SH3PXD2B: variants seen among roughly 807,000 people sequenced by gnomAD.
SH3PXD2B encodes the protein SH3 and PX domains 2B, also known as SH3 and PX domain-containing protein 2B.
A neutral mutation model predicts 73.1 loss-of-function variants in SH3PXD2B; 37 were observed. The ratio of observed to expected loss-of-function variants is 0.51; its 90% confidence interval spans 0.39 to 0.67. SH3PXD2B has a LOEUF of 0.67. Among genes scored for constraint, SH3PXD2B ranks in the 30% least tolerant of loss-of-function variants. The probability of loss-of-function intolerance (pLI) is 0.00; values close to 1 mark genes in which losing one functional copy is unlikely to be tolerated. For synonymous variants in SH3PXD2B, 457 were observed against 480.5 expected (o/e 0.95, Z 0.64); for missense variants, 1,053 against 1,197.8 (o/e 0.88, Z 1.78).
intron 6 of SH3PXD2B, 133 bp downstream of exon 6, chr5:172,373,657 C>G: frequency 9.9e-7 from 1 of 1,011,768 alleles, no homozygotes; most frequent in Non-Finnish European, 1.5e-6. Flanking sequence ...TCCCTTCCCT[C>G]CCTCCTGCCA....
chr5:172,441,477 G>T (rs1759549533), intron 1 of SH3PXD2B, among the ~76,000 whole-genome samples: 1 of 152,190 alleles, frequency 6.6e-6, no homozygotes, highest in African/African-American at 2.4e-5. Context: ...GCAGTTAATG[G>T]CTTTGTTCAA....
chr5:172,346,080 G>A (rs1451730195), intron 12 of SH3PXD2B, 56 bp downstream of exon 12: 2 of 1,612,276 alleles, frequency 1.2e-6, no homozygotes, highest in African/African-American at 1.3e-5. Flanking sequence ...AGAAGTAGGA[G>A]GTGATGCCTG....
chr5:172,400,432 T>C (rs1458216165), intron 3 of SH3PXD2B, among the ~76,000 whole-genome samples: 2 of 152,204 alleles, frequency 1.3e-5, no homozygotes, highest in Non-Finnish European at 2.9e-5. Flanking sequence ...CATTCTACTT[T>C]GCATAGGAGG....
At chr5:172,423,394 G>A (rs1424808888) in intron 1 of SH3PXD2B, among the ~76,000 whole-genome samples, 5 of 152,198 alleles carry the variant, frequency 3.3e-5, no homozygotes, top group Non-Finnish European at 5.9e-5. Flanking sequence ...AAGGCGCTCA[G>A]TGCTGTTAGA....
chr5:172,443,913 T>C (rs1335227023), intron 1 of SH3PXD2B, among the ~76,000 whole-genome samples: 1 of 152,254 alleles, frequency 6.6e-6, no homozygotes, highest in Non-Finnish European at 1.5e-5. Context: ...CAGTCAGTGA[T>C]AGGCAGGGGA....
chr5:172,349,823 A>T (rs964632340), intron 10 of SH3PXD2B, among the ~76,000 whole-genome samples: 1 of 152,168 alleles, frequency 6.6e-6, no homozygotes, highest in African/African-American at 2.4e-5. Context: ...AAAGAATGCA[A>T]CCTGGGATGG....
rs781545771 is a variant in SH3PXD2B, at chr5:172,373,821, C to T, written c.402-6G>A. The T allele has an allele frequency of 5.0e-6, 8 of 1,613,826 alleles. No individual in the cohort carries two copies. The highest frequency in any genetic ancestry group is 6.8e-6 in the Non-Finnish European group (8 of 1,179,948). ...TCTTTTTCCCAATGTGCTCCCTGTA[C>T]AGGAAAGAAAGGGGGTGGGAAGAGT... On this transcript the variant is annotated splice_region_variant and splice_polypyrimidine_tract_variant and intron_variant, in intron 5 of 12. Transcript: ENST00000311601.
chr5:172,364,278 C>G (rs910237791), intron 6 of SH3PXD2B, among the ~76,000 whole-genome samples: 1 of 152,046 alleles, frequency 6.6e-6, no homozygotes, highest in African/African-American at 2.4e-5. Flanking sequence ...CAGGAGGGCC[C>G]TGGTATTCTA....
At position 172,454,257 on chromosome 5, in the gene SH3PXD2B, T is replaced by C. The variant is rs920704453; in HGVS notation, c.75+21A>G. On this transcript the variant is annotated intron_variant, in intron 1 of 12. Transcript: ENST00000311601. ...GACGGGGCGCGGGCTCAAGGGGGCGTGGGGGCCGCGCCGCACTCACATAAT... is the reference window on the plus strand; with the variant it reads ...GACGGGGCGCGGGCTCAAGGGGGCGCGGGGGCCGCGCCGCACTCACATAAT... 14 of 1,580,500 alleles carry C rather than the reference T, an allele frequency of 8.9e-6. No individual in the cohort carries two copies. The South Asian group carries it at 1.2e-4, about 14-fold the overall frequency.
At chr5:172,404,314 A>AT (rs1421839026) in intron 3 of SH3PXD2B, among the ~76,000 whole-genome samples, 72 of 150,022 alleles carry the variant, frequency 4.8e-4, no homozygotes, top group South Asian at 2.3e-3. Context: ...ATATATATAT[A>AT]TATTTTTTTT....
intron 2 of SH3PXD2B, among the ~76,000 whole-genome samples, chr5:172,419,364 G>A (rs935828650): frequency 6.6e-6 from 1 of 151,578 alleles, no homozygotes; most frequent in Non-Finnish European, 1.5e-5. Flanking sequence ...ATGACTCTAC[G>A]TCCCCACCTC....
chr5:172,395,129 T>C (rs1436790585), intron 3 of SH3PXD2B, among the ~76,000 whole-genome samples: 1 of 152,118 alleles, frequency 6.6e-6, no homozygotes, highest in Non-Finnish European at 1.5e-5. Flanking sequence ...CCCTCCCCTC[T>C]GCCTGGACAC....
chr5:172,391,149 C>T (rs1758182514), intron 4 of SH3PXD2B, among the ~76,000 whole-genome samples: 1 of 151,940 alleles, frequency 6.6e-6, no homozygotes, highest in African/African-American at 2.4e-5. Context: ...CTTGCAGCTT[C>T]CTATCTTAAG....
chr5:172,357,519 G>C (rs770615079), intron 8 of SH3PXD2B, among the ~76,000 whole-genome samples: 3 of 152,084 alleles, frequency 2.0e-5, no homozygotes, highest in Non-Finnish European at 1.5e-5. Context: ...CTAGCTGTGT[G>C]ACCCTGGGCA....
chr5:172,334,655 G>A lies in SH3PXD2B; in HGVS notation c.*3714C>T, dbSNP rs763489617. On this transcript the variant is annotated 3_prime_UTR_variant, in exon 13 of 13. Transcript: ENST00000311601. The stretch of plus-strand genomic sequence containing the variant: ...GATGAAAGGACGGGGGTCCAGCTAC[G>A]AATGTTTTTGTTCTTGATGTCAAGT... The A allele has an allele frequency of 1.3e-4, 124 of 985,522 alleles. No individual in the cohort carries two copies. The East Asian group carries it at 6.0e-3, about 48-fold the overall frequency. The allele number at this position is 985,522 out of a possible 1,614,324, so 61.0% of individuals were successfully genotyped here.
intron 4 of SH3PXD2B, among the ~76,000 whole-genome samples, chr5:172,382,641 A>G (rs1027652726): frequency 6.6e-6 from 1 of 152,206 alleles, no homozygotes; most frequent in African/African-American, 2.4e-5. Flanking sequence ...GTCCATATTT[A>G]GGCAAAATCA....
intron 1 of SH3PXD2B, among the ~76,000 whole-genome samples, chr5:172,439,682 G>GCGCA (rs1472575427): frequency 3.5e-4 from 38 of 109,486 alleles, no homozygotes; most frequent in South Asian, 4.3e-4. Flanking sequence ...GTGCGTGCGC[G>GCGCA]CACGCGCGCG....
intron 4 of SH3PXD2B, among the ~76,000 whole-genome samples, chr5:172,392,511 C>T (rs1758213572): frequency 6.6e-6 from 1 of 152,132 alleles, no homozygotes; most frequent in African/African-American, 2.4e-5. Context: ...GTGGCTCATG[C>T]CTGTAATCCC....
At chr5:172,364,602 T>A (rs1561905844) in intron 6 of SH3PXD2B, among the ~76,000 whole-genome samples, 1 of 151,970 alleles carries the variant, frequency 6.6e-6, no homozygotes, top group Non-Finnish European at 1.5e-5. Flanking sequence ...GAGGCAGAGG[T>A]TGCAGTGACC....
Sources: gnomAD v4.1 joint callset for allele counts (sites outside exome capture counted in the v4.1 genomes callset) on GRCh38, gnomAD v4.1.1 for gene constraint, MANE v1.5 for transcripts, NCBI Gene and HGNC (gene_info 2026-07-23, HGNC 2026-07-21) for gene names.